Variants in CD83 observed in about 807,000 individuals in gnomAD.
CD83 encodes CD83 antigen.
CD83 carries 22 observed loss-of-function variants against 24.6 expected under a neutral mutation model. That is an observed-to-expected ratio of 0.90 (90% CI 0.64 to 1.28). The LOEUF is 1.28. CD83 is among the 50% of genes most tolerant of loss of function. CD83 has a pLI of 0.00. For missense variants in CD83, 253 were observed against 252.8 expected (o/e 1.00, Z -0.01); for synonymous variants, 101 against 103.5 (o/e 0.98, Z 0.14).
In CD83 at chr6:14,136,777, G is replaced by A. The variant is rs1221609128; in HGVS notation, c.*1541G>A. 1.3e-5 allele frequency: 2 copies of A among 152,126 alleles called. No homozygotes were observed. The highest frequency in any genetic ancestry group is 1.5e-5 in the Non-Finnish European group (1 of 68,020). 9.4% of individuals were successfully genotyped at this position (152,126 alleles called of 1,614,324 possible). On this transcript the variant is annotated 3_prime_UTR_variant, in exon 5 of 5. Coordinates refer to ENST00000379153, the MANE Select transcript of CD83 (RefSeq NM_004233.4). Reference sequence around the variant, plus strand: ...TAATACCTGGGTGATTACATAATCTGTACAATGAACCCCCATGATGTAAGT... The same window carrying A: ...TAATACCTGGGTGATTACATAATCTATACAATGAACCCCCATGATGTAAGT...
At chr6:14,117,681 C>G, upstream of CD83, 1 of 609,632 alleles carries the variant, frequency 1.6e-6, no homozygotes, top group Non-Finnish European at 2.6e-6. This position sits in a 1 kb window ranked among gnomAD's most constrained non-coding sequence, Gnocchi z 4.6. Flanking sequence ...GCGCCACCCG[C>G]TTCCGCTGCC....
intron 3 of CD83, among the ~76,000 whole-genome samples, chr6:14,132,869 C>G (rs778459399): frequency 7.2e-5 from 11 of 152,268 alleles, no homozygotes; most frequent in Non-Finnish European, 1.6e-4. Flanking sequence ...CAAGCAGATT[C>G]TGTTTGCAAG....
chr6:14,129,264 C>G lies in CD83; in HGVS notation c.154-2256C>G, dbSNP rs1178579391. 6.6e-6 allele frequency among the ~76,000 whole-genome samples: 1 copy of G among 152,232 alleles called. No homozygotes were observed. The highest frequency in any genetic ancestry group is 2.4e-5 in the African/African-American group (1 of 41,460). The stretch of plus-strand genomic sequence containing the variant: ...ATTTCAAACTGGCCTTTCAGGCCAT[C>G]CTAGACACAGATTGGCCCTGGATGG... On this transcript the variant is annotated intron_variant, in intron 2 of 4. Transcript: ENST00000379153. The surrounding 1 kb of genome is among the most constrained non-coding windows in gnomAD (Gnocchi z 4.3).
rs190459535 is a variant in CD83 at position 14,134,960 on chromosome 6, A to T, written c.490-148A>T. On this transcript the variant is annotated intron_variant, in intron 4 of 4. Coordinates refer to ENST00000379153, the MANE Select transcript of CD83 (RefSeq NM_004233.4). ...AGACGCCAGTGAAATGGTTGGTACA[A>T]ATCCCTTGTGGAGCGAGTGAGGCAG... is the stretch of plus-strand genomic sequence containing the variant. The T allele has an allele frequency of 1.3e-4, 92 of 722,666 alleles. No homozygotes were observed. The African/African-American group carries it at 1.3e-3, about 10-fold the overall frequency. 44.8% of individuals were successfully genotyped at this position (722,666 alleles called of 1,614,324 possible). A position where few individuals can be genotyped will look rare whatever the true frequency, so the allele number is the denominator to read the frequency against.
Position 14,121,317 on chromosome 6 carries a change from G to T in CD83, c.153+3252G>T, listed in dbSNP as rs144198670. Among the ~76,000 whole-genome samples, 308 of 151,864 alleles carry T rather than the reference G, an allele frequency of 2.0e-3. 1 individual carries two copies. The highest frequency in any genetic ancestry group is 6.9e-3 in the African/African-American group (287 of 41,436). On this transcript the variant is annotated intron_variant, in intron 2 of 4. Coordinates refer to ENST00000379153, the MANE Select transcript of CD83 (RefSeq NM_004233.4). ...CCCAAGTAGCTGAGACTACAAGGGCGTACCACCACACCTGGCTAATTTTTA... is the reference window on the plus strand; with the variant it reads ...CCCAAGTAGCTGAGACTACAAGGGCTTACCACCACACCTGGCTAATTTTTA...
In CD83 at chr6:14,129,945, T is replaced by C. The variant is rs1759909008; in HGVS notation, c.154-1575T>C. ...GAGTATTCCCCTAACTCCTTGGTTA[T>C]CTCTTTCCCTACACTGAGTTCCTTC... On this transcript the variant is annotated intron_variant, in intron 2 of 4. Transcript: ENST00000379153. The surrounding 1 kb of genome is among the most constrained non-coding windows in gnomAD (Gnocchi z 4.3). Among the ~76,000 whole-genome samples, 1 of 148,556 alleles carries C rather than the reference T, an allele frequency of 6.7e-6. No homozygotes were observed. Among genetic ancestry groups the C allele is most frequent in the Non-Finnish European group, 1.5e-5 (1 of 66,646 alleles).
At chr6:14,117,723 G>C, upstream of CD83, 1 of 959,282 alleles carries the variant, frequency 1.0e-6, no homozygotes, top group Non-Finnish European at 1.4e-6. This position sits in a 1 kb window ranked among gnomAD's most constrained non-coding sequence, Gnocchi z 4.6. Flanking sequence ...GGCGCGCAGG[G>C]AAGTTCCCGA....
In CD83 at chr6:14,126,288, AAGGAG is replaced by A. The variant is rs533760726; in HGVS notation, c.154-5229_154-5225del. 1.8e-3 allele frequency among the ~76,000 whole-genome samples: 276 copies of A among 152,224 alleles called. 2 individuals are homozygous for A. Among genetic ancestry groups the A allele is most frequent in the Non-Finnish European group, 3.4e-3 (228 of 68,038 alleles). ...AGAATGAAACCTTGGTTATAAAAAAAAGGAGAGAGAGAGAGTAGTAACATCTTCAG... is the reference window on the plus strand; with the variant it reads ...AGAATGAAACCTTGGTTATAAAAAAAAGAGAGAGAGTAGTAACATCTTCAG... On this transcript the variant is annotated intron_variant, in intron 2 of 4. Transcript: ENST00000379153.
Position 14,117,864 on chromosome 6 carries a change from G to T in CD83, c.37+16G>T, listed in dbSNP as rs1442921413. 3.2e-6 allele frequency: 5 copies of T among 1,572,382 alleles called. No individual in the cohort carries two copies. Among genetic ancestry groups the T allele is most frequent in the African/African-American group, 1.3e-5 (1 of 74,176 alleles). On this transcript the variant is annotated intron_variant, in intron 1 of 4. Coordinates refer to ENST00000379153, the MANE Select transcript of CD83 (RefSeq NM_004233.4). This position sits in a 1 kb window ranked among gnomAD's most constrained non-coding sequence, Gnocchi z 4.6. Reference sequence around the variant, plus strand: ...CTGAGCTGCGGTAGGGCTCGCGAGCGCCTGTCTCGCCTGTCGCCCCCCGCC... The same window carrying T: ...CTGAGCTGCGGTAGGGCTCGCGAGCTCCTGTCTCGCCTGTCGCCCCCCGCC...
At position 14,131,675 on chromosome 6, in the gene CD83, G is replaced by T; in HGVS notation, c.309G>T (p.Gly103=). 9 of 1,614,190 alleles carry T rather than the reference G, an allele frequency of 5.6e-6. No homozygotes were observed. Among genetic ancestry groups the T allele is most frequent in the Non-Finnish European group, 7.6e-6 (9 of 1,180,040 alleles). Residue 103 remains glycine (G), a synonymous_variant, in exon 3 of 5, where the codon GGG becomes GGT. Transcript: ENST00000379153. ...GAAACACTACCAGCTGCAACTCGGGGACATACAGGTGCACTCTGCAGGACC... is the reference window on the plus strand; with the variant it reads ...GAAACACTACCAGCTGCAACTCGGGTACATACAGGTGCACTCTGCAGGACC... ...KIRNTTSCNS[G]TYRCTLQDPD...
rs769211903 is a variant in CD83 at position 14,131,612 on chromosome 6, C to T, written c.246C>T (p.Phe82=). ...HYHQKGQNGS[F]DAPNERPYSL... ...ATCAGAAGGGGCAAAATGGTTCTTT[C>T]GACGCCCCCAATGAAAGGCCCTATT... The change falls in exon 3 of 5, where the codon TTC becomes TTT. Residue 82 remains phenylalanine (F), a synonymous_variant. Coordinates refer to ENST00000379153, the MANE Select transcript of CD83 (RefSeq NM_004233.4). The T allele has an allele frequency of 3.5e-5, 56 of 1,613,976 alleles. No individual in the cohort carries two copies. Among genetic ancestry groups the T allele is most frequent in the Non-Finnish European group, 3.9e-5 (46 of 1,180,024 alleles).
intron 2 of CD83, among the ~76,000 whole-genome samples, chr6:14,119,183 A>G (rs1434067201): frequency 6.6e-6 from 1 of 152,176 alleles, no homozygotes; most frequent in African/African-American, 2.4e-5. Flanking sequence ...TTTGCCCTAT[A>G]AATTGCAAAG....
intron 2 of CD83, among the ~76,000 whole-genome samples, chr6:14,120,603 G>A (rs1303768795): frequency 1.3e-5 from 2 of 152,242 alleles, no homozygotes; most frequent in Non-Finnish European, 2.9e-5. Flanking sequence ...GGAAAGCAGA[G>A]TCCCTTGCAG....
chr6:14,133,053 C>T (rs897461209), intron 3 of CD83, among the ~76,000 whole-genome samples: 2 of 152,210 alleles, frequency 1.3e-5, no homozygotes, highest in East Asian at 3.8e-4. Context: ...TGTTCTTCCA[C>T]CCAACCATGC....
chr6:14,117,688 T>C, upstream of CD83: 2 of 660,988 alleles, frequency 3.0e-6, no homozygotes, highest in Non-Finnish European at 4.6e-6. This position sits in a 1 kb window ranked among gnomAD's most constrained non-coding sequence, Gnocchi z 4.6. Flanking sequence ...CCGCTTCCGC[T>C]GCCCGCCGGG....
chr6:14,122,744 G>A (rs983102808), intron 2 of CD83, among the ~76,000 whole-genome samples: 16 of 152,166 alleles, frequency 1.1e-4, no homozygotes, highest in African/African-American at 3.9e-4. Context: ...ATGTAAAGTT[G>A]CTTTTCAGAT....
chr6:14,117,598 G>A, upstream of CD83: 1 of 158,050 alleles, frequency 6.3e-6, no homozygotes, highest in Non-Finnish European at 1.3e-5. The surrounding 1 kb of genome is among the most constrained non-coding windows in gnomAD (Gnocchi z 4.6). Context: ...CGACGGGGGC[G>A]GGGACGGGGG....
In CD83 at chr6:14,117,863, C is replaced by T; in HGVS notation, c.37+15C>T. ...CCTGAGCTGCGGTAGGGCTCGCGAG[C>T]GCCTGTCTCGCCTGTCGCCCCCCGC... is the stretch of plus-strand genomic sequence containing the variant. On this transcript the variant is annotated intron_variant, in intron 1 of 4. Coordinates refer to ENST00000379153, the MANE Select transcript of CD83 (RefSeq NM_004233.4). The surrounding 1 kb of genome is among the most constrained non-coding windows in gnomAD (Gnocchi z 4.6). 1 of 1,571,540 alleles carries T rather than the reference C, an allele frequency of 6.4e-7. No homozygotes were observed. Among genetic ancestry groups the T allele is most frequent in the Non-Finnish European group, 8.6e-7 (1 of 1,165,790 alleles).
At chr6:14,124,636 G>A (rs1759744013) in intron 2 of CD83, among the ~76,000 whole-genome samples, 1 of 152,096 alleles carries the variant, frequency 6.6e-6, no homozygotes, top group African/African-American at 2.4e-5. Flanking sequence ...GGTGGTGCGG[G>A]GTGCCTTATC....
Sources: gnomAD v4.1 joint callset for allele counts (sites outside exome capture counted in the v4.1 genomes callset) on GRCh38, gnomAD v4.1.1 for gene constraint, Gnocchi (gnomAD v3.1) non-coding constraint, MANE v1.5 for transcripts, NCBI Gene and HGNC (gene_info 2026-07-23, HGNC 2026-07-21) for gene names.